VAV2: variants seen among roughly 807,000 people sequenced by gnomAD.
The protein encoded by VAV2 is guanine nucleotide exchange factor VAV2.
A neutral mutation model predicts 132.5 loss-of-function variants in VAV2; 67 were observed. The ratio of observed to expected loss-of-function variants is 0.51; its 90% CI spans 0.42 to 0.62. The LOEUF (loss-of-function observed/expected upper bound fraction) is 0.62. Among genes scored for constraint, VAV2 ranks in the 20% least tolerant of loss-of-function variants. The pLI, the probability that VAV2 is intolerant of heterozygous loss-of-function variation, is 0.00. For synonymous variants in VAV2, 492 were observed against 443.5 expected (o/e 1.11, Z -1.37); for missense variants, 938 against 1,153.6 (o/e 0.81, Z 2.71).
rs536472881 is a variant in VAV2 at position 133,889,079 on chromosome 9, G to C, written c.322-27647C>G. 7.9e-5 allele frequency among the ~76,000 whole-genome samples: 12 copies of C among 152,300 alleles called. No homozygotes were observed. The South Asian group carries it at 2.5e-3, about 32-fold the overall frequency. On this transcript the variant is annotated intron_variant, in intron 2 of 29. Coordinates refer to ENST00000371850, the MANE Select transcript of VAV2 (RefSeq NM_001134398.2). Reference sequence around the variant, plus strand: ...AGATGGCCTGAGGCAGGTCCGGCAGGGATCTGGAGCTGAGCTGAAAGGGGT... The same window carrying C: ...AGATGGCCTGAGGCAGGTCCGGCAGCGATCTGGAGCTGAGCTGAAAGGGGT...
intron 22 of VAV2, among the ~76,000 whole-genome samples, chr9:133,778,240 G>C: frequency 6.6e-6 from 1 of 152,118 alleles, no homozygotes; most frequent in Non-Finnish European, 1.5e-5. Context: ...CTTGGAAACA[G>C]AGCAGCACAT....
intron 1 of VAV2, among the ~76,000 whole-genome samples, chr9:133,982,670 C>CGCCTGGTTTTGGAGGCCCCACT (rs1333683469): frequency 1.3e-5 from 2 of 152,100 alleles, no homozygotes; most frequent in Admixed American, 1.3e-4. Flanking sequence ...CAGGGCGCGC[C>CGCCTGGTTTTGGAGGCCCCACT]GCCTGGTTTT....
intron 4 of VAV2, among the ~76,000 whole-genome samples, chr9:133,830,919 A>C (rs1836237103): frequency 6.6e-6 from 1 of 152,228 alleles, no homozygotes; most frequent in Non-Finnish European, 1.5e-5. Flanking sequence ...TAAAGATTCA[A>C]ATGCATTCCC....
intron 1 of VAV2, among the ~76,000 whole-genome samples, chr9:133,976,030 T>C (rs922852602): frequency 1.6e-5 from 2 of 121,826 alleles, no homozygotes; most frequent in African/African-American, 2.9e-5. Flanking sequence ...ACCCCATCTC[T>C]ACTAAAAAAA....
intron 2 of VAV2, among the ~76,000 whole-genome samples, chr9:133,881,961 C>T (rs903492024): frequency 6.6e-6 from 1 of 152,134 alleles, no homozygotes; most frequent in Non-Finnish European, 1.5e-5. Flanking sequence ...TTGCCAGGTG[C>T]CCAGCGAGTG....
chr9:133,983,583 G>A (rs989439832), intron 1 of VAV2, among the ~76,000 whole-genome samples: 9 of 152,114 alleles, frequency 5.9e-5, no homozygotes, highest in South Asian at 4.1e-4. Context: ...CATTCCTCCC[G>A]GTCTCATCCT....
rs547308969 is a variant in VAV2 at position 133,924,814 on chromosome 9, C to T, written c.321+14289G>A. Reference sequence around the variant, plus strand: ...TCACAGGAGCCGAAGGTGAAAACAGCCCAGTGTCCACCAACAGGTGCATAG... The same window carrying T: ...TCACAGGAGCCGAAGGTGAAAACAGTCCAGTGTCCACCAACAGGTGCATAG... On this transcript the variant is annotated intron_variant, in intron 2 of 29. Coordinates refer to ENST00000371850, the MANE Select transcript of VAV2 (RefSeq NM_001134398.2). Among the ~76,000 whole-genome samples, 12 of 152,330 alleles carry T rather than the reference C, an allele frequency of 7.9e-5. No homozygotes were observed. The South Asian group carries it at 1.2e-3, about 16-fold the overall frequency.
At chr9:133,827,408 G>A (rs201407901) in intron 4 of VAV2, among the ~76,000 whole-genome samples, 14 of 27,614 alleles carry the variant, frequency 5.1e-4, no homozygotes, top group African/African-American at 1.0e-3. Context: ...GGCATCGCCA[G>A]CTACTGCTGT....
chr9:133,809,556 G>A (rs1226884342), intron 6 of VAV2, among the ~76,000 whole-genome samples: 1 of 152,216 alleles, frequency 6.6e-6, no homozygotes, highest in Non-Finnish European at 1.5e-5. Context: ...GTGGCAGACT[G>A]TGTGCTCGGC....
At chr9:133,914,681 ATGGG>A (rs1839996951) in intron 2 of VAV2, among the ~76,000 whole-genome samples, 1 of 15,448 alleles carries the variant, frequency 6.5e-5, no homozygotes, top group Non-Finnish European at 1.2e-4. Context: ...GAAGCAAGGG[ATGGG>A]GGAGGGAAGC....
intron 1 of VAV2, among the ~76,000 whole-genome samples, chr9:133,985,427 G>A (rs374200150): frequency 1.3e-5 from 2 of 152,100 alleles, no homozygotes; most frequent in Non-Finnish European, 2.9e-5. Flanking sequence ...AACTACAGGC[G>A]TGTGCCACCA....
chr9:133,910,888 C>G (rs532532044), intron 2 of VAV2, among the ~76,000 whole-genome samples: 1 of 151,570 alleles, frequency 6.6e-6, no homozygotes, highest in Non-Finnish European at 1.5e-5. Flanking sequence ...GTTGTCTGCA[C>G]TGGTACAGAG....
intron 1 of VAV2, among the ~76,000 whole-genome samples, chr9:133,985,034 A>T (rs2132303540): frequency 6.6e-6 from 1 of 152,222 alleles, no homozygotes; most frequent in South Asian, 2.1e-4. Flanking sequence ...TTATATTTCT[A>T]TCTGGCAGCA....
At chr9:133,948,276 C>T (rs1841436778) in intron 1 of VAV2, among the ~76,000 whole-genome samples, 2 of 152,242 alleles carry the variant, frequency 1.3e-5, no homozygotes, top group Admixed American at 6.5e-5. Flanking sequence ...TTCCTCAGCT[C>T]CGCACGCACC....
At chr9:133,783,125 A>G (rs1834069147) in intron 19 of VAV2, among the ~76,000 whole-genome samples, 1 of 152,170 alleles carries the variant, frequency 6.6e-6, no homozygotes. Flanking sequence ...ACCCGCCGGG[A>G]GAACCCAGGG....
chr9:133,910,323 T>G (rs1158803545), intron 2 of VAV2, among the ~76,000 whole-genome samples: 1 of 152,090 alleles, frequency 6.6e-6, no homozygotes, highest in African/African-American at 2.4e-5. Flanking sequence ...CCTGATGTAC[T>G]GGGGTTTTTG....
chr9:133,864,729 C>T (rs753908133), intron 2 of VAV2, among the ~76,000 whole-genome samples: 20 of 152,236 alleles, frequency 1.3e-4, no homozygotes, highest in African/African-American at 3.6e-4. Context: ...ACTGGCCAGA[C>T]GGGTAACGCC....
chr9:133,904,137 G>A (rs138102433), intron 2 of VAV2, among the ~76,000 whole-genome samples: 123 of 152,284 alleles, frequency 8.1e-4, no homozygotes, highest in African/African-American at 2.5e-3. Flanking sequence ...ACAGATGAGC[G>A]AATGGGGCTC....
At chr9:133,962,187 G>C (rs1237703173) in intron 1 of VAV2, among the ~76,000 whole-genome samples, 1 of 152,110 alleles carries the variant, frequency 6.6e-6, no homozygotes, top group Non-Finnish European at 1.5e-5. Flanking sequence ...AGGGGTAACA[G>C]GTAAGGATCT....
Sources: allele counts gnomAD v4.1 joint callset (sites outside exome capture counted in the v4.1 genomes callset), GRCh38; gene constraint gnomAD v4.1.1; transcripts MANE v1.5; gene names NCBI Gene and HGNC (gene_info 2026-07-23, HGNC 2026-07-21).